Variants in NBAS observed in about 807,000 individuals in gnomAD.
NBAS encodes NAG/BC035112 fusion.
NBAS carries 219 observed loss-of-function variants against 302.5 expected under a neutral mutation model. That is an observed-to-expected ratio of 0.72 (90% CI 0.65 to 0.81). NBAS has a LOEUF of 0.81. Among genes scored for constraint, NBAS ranks in the 30% least tolerant of loss-of-function variants. The pLI, the probability that NBAS is intolerant of heterozygous loss-of-function variation, is 0.00. For missense variants in NBAS, 2,932 were observed against 2,841.6 expected, an observed-to-expected ratio of 1.03 and a Z score of -0.72; for synonymous variants, 1,118 against 1,021.6, an observed-to-expected ratio of 1.09 and a Z score of -1.80.
the NBAS span, among the ~76,000 whole-genome samples, chr2:15,109,609 G>C: frequency 6.6e-6 from 1 of 152,258 alleles, no homozygotes; most frequent in East Asian, 1.9e-4. Flanking sequence ...TCAGGTGCCG[G>C]CACAGTCAGG....
chr2:15,551,055 G>A (rs1321926296), intron 6 of NBAS, among the ~76,000 whole-genome samples: 1 of 152,060 alleles, frequency 6.6e-6, no homozygotes, highest in African/African-American at 2.4e-5. Context: ...AAAGGAGCAG[G>A]TCTTTTTGCT....
the NBAS span, among the ~76,000 whole-genome samples, chr2:14,887,654 TA>T: frequency 6.6e-6 from 1 of 152,108 alleles, no homozygotes; most frequent in African/African-American, 2.4e-5. Context: ...ATCTCTAGAA[TA>T]TATCACTTCC....
the NBAS span, among the ~76,000 whole-genome samples, chr2:14,977,511 T>A: frequency 6.6e-6 from 1 of 152,212 alleles, no homozygotes; most frequent in Admixed American, 6.5e-5. Flanking sequence ...GTCATGGAAT[T>A]TGGGGCAAGT....
chr2:15,467,509 G>A, intron 18 of NBAS, 102 bp from the exon 19 acceptor site: 2 of 1,308,926 alleles, frequency 1.5e-6, no homozygotes, highest in South Asian at 1.2e-5. Context: ...CAAAACTCAT[G>A]AAACAGTTCA....
rs556533568 is a variant in NBAS at position 15,418,936 on chromosome 2, G to A, written c.2578-1224C>T. ...TCACAAATAGAGCTACACTTTGGAAGGAATACTAAGTATTTACTGACTGAT... is the reference window on the plus strand; with the variant it reads ...TCACAAATAGAGCTACACTTTGGAAAGAATACTAAGTATTTACTGACTGAT... On this transcript the variant is annotated intron_variant, in intron 23 of 51. Transcript: ENST00000281513. Among the ~76,000 whole-genome samples the A allele has an allele frequency of 2.0e-5, 3 of 152,236 alleles. No homozygotes were observed. The East Asian group carries it at 5.8e-4, about 29-fold the overall frequency.
intron 47 of NBAS, 61 bp downstream of exon 47, chr2:15,232,361 G>A (rs1472652053): frequency 1.3e-6 from 2 of 1,490,724 alleles, no homozygotes; most frequent in Non-Finnish European, 1.9e-6. Context: ...GATACTAAGA[G>A]CAATTCTAAT....
intron 9 of NBAS, among the ~76,000 whole-genome samples, chr2:15,519,099 A>G (rs1662542484): frequency 6.6e-6 from 1 of 152,198 alleles, no homozygotes; most frequent in South Asian, 2.1e-4. Context: ...CAGAAGTATC[A>G]AGTTCAACTA....
At chr2:15,253,776 A>G (rs546801508) in intron 44 of NBAS, among the ~76,000 whole-genome samples, 3 of 152,282 alleles carry the variant, frequency 2.0e-5, no homozygotes, top group African/African-American at 7.2e-5. Context: ...CAAAGGGACA[A>G]TTCAGAATGC....
intron 47 of NBAS, among the ~76,000 whole-genome samples, chr2:15,232,206 G>T (rs936399434): frequency 5.3e-5 from 8 of 152,080 alleles, no homozygotes; most frequent in Non-Finnish European, 1.0e-4. Context: ...TTTCAAGGAG[G>T]CAAGAGAAAA....
intron 16 of NBAS, among the ~76,000 whole-genome samples, chr2:15,472,904 T>C (rs1284537514): frequency 6.6e-6 from 1 of 152,242 alleles, no homozygotes; most frequent in Non-Finnish European, 1.5e-5. Context: ...TACTGTGTGA[T>C]TTCTGGCATC....
the NBAS span, among the ~76,000 whole-genome samples, chr2:15,022,137 C>T: frequency 6.5e-4 from 99 of 152,238 alleles, no homozygotes; most frequent in African/African-American, 1.9e-3. Context: ...AGAAAAGGGG[C>T]GTCCTGGTCC....
the NBAS span, among the ~76,000 whole-genome samples, chr2:15,083,085 G>A: frequency 1.3e-5 from 2 of 152,240 alleles, no homozygotes; most frequent in African/African-American, 4.8e-5. Context: ...GAGGAAAGCA[G>A]CTATGTGCAG....
At chr2:14,966,639 C>T in the NBAS span, among the ~76,000 whole-genome samples, 1 of 152,080 alleles carries the variant, frequency 6.6e-6, no homozygotes, top group African/African-American at 2.4e-5. Context: ...TAATAAAAAC[C>T]CTCAGCAAAG....
chr2:15,096,181 T>C, the NBAS span, among the ~76,000 whole-genome samples: 1 of 152,250 alleles, frequency 6.6e-6, no homozygotes, highest in East Asian at 1.9e-4. Flanking sequence ...GCTGAACAGT[T>C]GTCCTTCACC....
chr2:15,144,049 A>ATATATATATATATTATCC, the NBAS span, among the ~76,000 whole-genome samples: 417 of 85,568 alleles, frequency 4.9e-3, 21 homozygotes, highest in East Asian at 0.087. Flanking sequence ...ATATATAAAA[A>ATATATATATATATTATCC]TATATATATA....
At chr2:14,798,967 C>T in the NBAS span, among the ~76,000 whole-genome samples, 2 of 151,904 alleles carry the variant, frequency 1.3e-5, no homozygotes, top group South Asian at 2.1e-4. Context: ...ACCAATCTGG[C>T]GAGAAGTTTA....
Position 15,209,848 on chromosome 2 carries a change from A to T in NBAS, c.6432+8925T>A, listed in dbSNP as rs184661331. Among the ~76,000 whole-genome samples the T allele has an allele frequency of 5.9e-5, 9 of 152,292 alleles. No individual in the cohort carries two copies. The East Asian group carries it at 1.7e-3, about 29-fold the overall frequency. On this transcript the variant is annotated intron_variant, in intron 48 of 51. Transcript: ENST00000281513. ...ATCTACAGTAAACCCATTTTTGACA[A>T]AGGTGCCAAGAACAAACATTGGAGA...
the NBAS span, among the ~76,000 whole-genome samples, chr2:15,113,320 CGTGT>C: frequency 7.4e-3 from 963 of 129,930 alleles, 11 homozygotes; most frequent in African/African-American, 0.018. Context: ...GGTATGAACT[CGTGT>C]GTGTGTGTGT....
intron 51 of NBAS, among the ~76,000 whole-genome samples, chr2:15,168,386 T>C (rs1184646349): frequency 6.6e-6 from 1 of 152,210 alleles, no homozygotes; most frequent in Non-Finnish European, 1.5e-5. Flanking sequence ...CTGTGAGAAT[T>C]AAAGCAAGAG....
Sources: gnomAD v4.1 joint callset for allele counts (sites outside exome capture counted in the v4.1 genomes callset) on GRCh38, gnomAD v4.1.1 for gene constraint, MANE v1.5 for transcripts, NCBI Gene and HGNC (gene_info 2026-07-23, HGNC 2026-07-21) for gene names.